The following CCDC6 variants were observed in gnomAD, a reference collection of about 807,000 sequenced individuals.
The protein encoded by CCDC6 is coiled-coil domain-containing protein 6.
In CCDC6, 20 loss-of-function variants were observed where a neutral mutation model predicts 56.6. That is an observed-to-expected ratio of 0.35 (90% confidence interval 0.25 to 0.51). CCDC6 has a LOEUF of 0.51. CCDC6 is among the 20% of genes least tolerant of loss of function. The pLI is 0.95. For missense variants in CCDC6, 367 were observed against 601.1 expected (o/e 0.61, Z 4.07); for synonymous variants, 241 against 234.4 (o/e 1.03, Z -0.26).
intron 1 of CCDC6, among the ~76,000 whole-genome samples, chr10:59,876,783 A>G (rs1391149531): frequency 1.3e-5 from 2 of 152,230 alleles, no homozygotes. Flanking sequence ...GTAAGTGGAT[A>G]ATTCAACATT....
At chr10:59,888,726 A>T (rs2071400685) in intron 1 of CCDC6, among the ~76,000 whole-genome samples, 1 of 152,216 alleles carries the variant, frequency 6.6e-6, no homozygotes, top group African/African-American at 2.4e-5. Context: ...AGTCCTTATC[A>T]GAGAGGCAAA....
chr10:59,841,654 CG>C (rs1406380341), intron 2 of CCDC6, among the ~76,000 whole-genome samples: 10 of 151,676 alleles, frequency 6.6e-5, no homozygotes, highest in Non-Finnish European at 1.3e-4. Flanking sequence ...AGCAGGCATC[CG>C]TGTCTTGTTT....
intron 1 of CCDC6, among the ~76,000 whole-genome samples, chr10:59,855,658 G>A (rs985357876): frequency 6.6e-6 from 1 of 152,160 alleles, no homozygotes; most frequent in African/African-American, 2.4e-5. Context: ...TTTTTGGGGT[G>A]ATGAAAATGT....
chr10:59,883,016 C>T (rs2071356788), intron 1 of CCDC6, among the ~76,000 whole-genome samples: 1 of 143,756 alleles, frequency 7.0e-6, no homozygotes, highest in South Asian at 2.2e-4. Flanking sequence ...CCGTATTGAT[C>T]GACTTTAACT....
chr10:59,796,035 C>A (rs1439062960), intron 7 of CCDC6, among the ~76,000 whole-genome samples: 1 of 152,128 alleles, frequency 6.6e-6, no homozygotes, highest in Non-Finnish European at 1.5e-5. Context: ...AGTTCTAGAT[C>A]CCTGAGGAAT....
intron 7 of CCDC6, among the ~76,000 whole-genome samples, chr10:59,800,513 T>C (rs550149754): frequency 3.3e-5 from 5 of 152,220 alleles, no homozygotes; most frequent in Admixed American, 6.5e-5. Flanking sequence ...CAGTATTCCA[T>C]TGAATAGACA....
intron 2 of CCDC6, among the ~76,000 whole-genome samples, chr10:59,852,274 T>G (rs17791436): frequency 2.0e-5 from 3 of 152,094 alleles, no homozygotes; most frequent in Non-Finnish European, 4.4e-5. Flanking sequence ...ACTTCCAAAA[T>G]GCTACATTCA....
intron 1 of CCDC6, among the ~76,000 whole-genome samples, chr10:59,871,304 A>G (rs940664953): frequency 6.6e-6 from 1 of 152,052 alleles, no homozygotes; most frequent in Non-Finnish European, 1.5e-5. Flanking sequence ...CAGAGCTAAG[A>G]ACACCGCCTT....
intron 1 of CCDC6, among the ~76,000 whole-genome samples, chr10:59,864,964 C>G (rs992280571): frequency 7.2e-5 from 11 of 152,328 alleles, no homozygotes; most frequent in African/African-American, 2.6e-4. Flanking sequence ...TTGTGATTCA[C>G]ATCAACGATT....
chr10:59,833,310 G>A (rs3862858), intron 2 of CCDC6, among the ~76,000 whole-genome samples: 2,649 of 152,194 alleles, frequency 0.017, 30 homozygotes, highest in Middle Eastern at 0.044. Context: ...TCAGCTGGGC[G>A]TGGTGACAGG....
chr10:59,827,034 C>T (rs1042327393), intron 3 of CCDC6, among the ~76,000 whole-genome samples: 3 of 152,082 alleles, frequency 2.0e-5, no homozygotes, highest in African/African-American at 7.2e-5. Context: ...AAGAGTAGTT[C>T]TGAATATTAT....
intron 1 of CCDC6, among the ~76,000 whole-genome samples, chr10:59,866,666 C>A (rs566594647): frequency 3.3e-5 from 5 of 152,270 alleles, no homozygotes. Flanking sequence ...AGCAACCTGC[C>A]TGAGGATCTC....
chr10:59,802,636 T>C (rs1015394242), intron 7 of CCDC6, among the ~76,000 whole-genome samples: 6 of 152,208 alleles, frequency 3.9e-5, no homozygotes, highest in Non-Finnish European at 8.8e-5. Context: ...GTGTTACTTA[T>C]GACATAGTTT....
chr10:59,793,937 A>C (rs2070490516), intron 8 of CCDC6, among the ~76,000 whole-genome samples: 1 of 152,168 alleles, frequency 6.6e-6, no homozygotes, highest in African/African-American at 2.4e-5. Context: ...ACCCTTAATA[A>C]TACTCTCACT....
At position 59,789,207 on chromosome 10, in the gene CCDC6, T is replaced by C. The variant is rs117459991; in HGVS notation, c.*3710A>G. The C allele has an allele frequency of 0.018, 4,144 of 231,068 alleles. 61 individuals carry two copies. Among genetic ancestry groups the C allele is most frequent in the Middle Eastern group, 0.027 (21 of 770 alleles). 14.3% of individuals were successfully genotyped at this position (231,068 alleles called of 1,614,324 possible). A position where few individuals can be genotyped will look rare whatever the true frequency, so the allele number is the denominator to read the frequency against. ...ACCGAGATGTACAATACAATCTAGA[T>C]GACGGTGCAGACTAAGTCAAGAACT... is the stretch of plus-strand genomic sequence containing the variant. On this transcript the variant is annotated 3_prime_UTR_variant, in exon 9 of 9. Transcript: ENST00000263102.
At chr10:59,834,615 A>G (rs533869999) in intron 2 of CCDC6, among the ~76,000 whole-genome samples, 2 of 152,250 alleles carry the variant, frequency 1.3e-5, no homozygotes, top group African/African-American at 4.8e-5. Context: ...TAGTCTTCCA[A>G]CACTGGAAAT....
At chr10:59,797,185 G>A (rs973301946) in intron 7 of CCDC6, among the ~76,000 whole-genome samples, 8 of 152,118 alleles carry the variant, frequency 5.3e-5, no homozygotes, top group African/African-American at 1.4e-4. Context: ...CCACTTATAT[G>A]AGGAGTTTAA....
intron 2 of CCDC6, among the ~76,000 whole-genome samples, chr10:59,846,410 GCA>G (rs1344337137): frequency 6.6e-6 from 1 of 152,172 alleles, no homozygotes; most frequent in Non-Finnish European, 1.5e-5. Flanking sequence ...GGTAGTTTCA[GCA>G]GTTTTGCCCA....
intron 5 of CCDC6, 59 bp downstream of exon 5, chr10:59,812,576 T>C: frequency 8.4e-7 from 1 of 1,197,016 alleles, no homozygotes; most frequent in African/African-American, 1.5e-5. Flanking sequence ...TAATACCCTA[T>C]ATTTGGTAAA....
Sources: allele counts gnomAD v4.1 joint callset (sites outside exome capture counted in the v4.1 genomes callset), GRCh38; gene constraint gnomAD v4.1.1; transcripts MANE v1.5; gene names NCBI Gene and HGNC (gene_info 2026-07-23, HGNC 2026-07-21).